The following SNX9 variants were observed in gnomAD, a reference collection of about 807,000 sequenced individuals.
SNX9 encodes sorting nexin 9.
In SNX9, 44 loss-of-function variants were observed where a neutral mutation model predicts 89.4. That is an observed-to-expected ratio of 0.49 (90% CI 0.39 to 0.63). The LOEUF is 0.63. SNX9 is among the 30% of genes least tolerant of loss of function. The pLI is 0.00. For synonymous variants in SNX9, 236 were observed against 247.8 expected (o/e 0.95, Z 0.45); for missense variants, 578 against 736.1 (o/e 0.79, Z 2.49).
intron 1 of SNX9, among the ~76,000 whole-genome samples, chr6:157,833,850 C>T (rs948225129): frequency 1.3e-5 from 2 of 152,136 alleles, no homozygotes; most frequent in Middle Eastern, 6.3e-3. Flanking sequence ...CCAGTATTGC[C>T]GAACTGAACT....
rs192325922 is a variant in SNX9, at chr6:157,859,760, G to A, written c.13-7787G>A. On this transcript the variant is annotated intron_variant, in intron 1 of 17. Transcript: ENST00000392185. ...TCTTTAATGAACTGTTTGTTCCTCT[G>A]CCCATTTTTGTATTAGGTTGCTGGT... Among the ~76,000 whole-genome samples, 3 of 152,174 alleles carry A rather than the reference G, an allele frequency of 2.0e-5. No individual in the cohort carries two copies. The East Asian group carries it at 5.8e-4, about 29-fold the overall frequency.
At chr6:157,936,082 A>T (rs1431945852) in intron 14 of SNX9, 42 bp downstream of exon 14, 1 of 1,482,136 alleles carries the variant, frequency 6.7e-7, no homozygotes, top group Admixed American at 1.8e-5. Context: ...ATTTGTTGCT[A>T]TCTAGTCCAC....
intron 6 of SNX9, among the ~76,000 whole-genome samples, chr6:157,904,642 G>A (rs1324206705): frequency 6.6e-6 from 1 of 152,034 alleles, no homozygotes. Flanking sequence ...ACCAGGAGGT[G>A]GAGGTTACAG....
chr6:157,915,640 AAT>A lies in SNX9; in HGVS notation c.949+5631_949+5632del, dbSNP rs1411739606. ...ATCTCTACTAAAAAAAAAAAAAAAA[AAT>A]ATATATATATATATACACACACACA... On this transcript the variant is annotated intron_variant, in intron 9 of 17. Coordinates refer to ENST00000392185, the MANE Select transcript of SNX9 (RefSeq NM_016224.5). 1.8e-3 allele frequency among the ~76,000 whole-genome samples: 168 copies of A among 95,098 alleles called. 7 individuals carry two copies. The highest frequency in any genetic ancestry group is 4.8e-3 in the Middle Eastern group (1 of 210). 62.4% of individuals were successfully genotyped at this position (95,098 alleles called of 152,430 possible).
intron 4 of SNX9, among the ~76,000 whole-genome samples, chr6:157,888,467 G>T (rs1463693430): frequency 6.6e-6 from 1 of 152,210 alleles, no homozygotes; most frequent in African/African-American, 2.4e-5. Context: ...TGGCATGCTA[G>T]AGTTTTCTGG....
At position 157,875,186 on chromosome 6, in the gene SNX9, A is replaced by G; in HGVS notation, c.300+10A>G. The G allele has an allele frequency of 6.2e-7, 1 of 1,603,090 alleles. No individual in the cohort carries two copies. The highest frequency in any genetic ancestry group is 8.5e-7 in the Non-Finnish European group (1 of 1,173,824). ...CAGCAACAATCACCAGGTACGTCTC[A>G]CTTCCTCCTTCTGGATGTGGCTGGC... On this transcript the variant is annotated intron_variant, in intron 4 of 17. Transcript: ENST00000392185.
At chr6:157,869,030 A>G (rs1221326181) in intron 2 of SNX9, among the ~76,000 whole-genome samples, 1 of 152,232 alleles carries the variant, frequency 6.6e-6, no homozygotes, top group Non-Finnish European at 1.5e-5. Flanking sequence ...AAGACAGGAA[A>G]CCTGGCCCTT....
chr6:157,865,445 G>C (rs901059181), intron 1 of SNX9, among the ~76,000 whole-genome samples: 1 of 147,508 alleles, frequency 6.8e-6, no homozygotes, highest in South Asian at 2.1e-4. Flanking sequence ...TGTTCTTCAT[G>C]ACGCCCTGAG....
chr6:157,885,172 G>C lies in SNX9; in HGVS notation c.300+9996G>C, dbSNP rs201264101. The C allele has an allele frequency of 7.9e-5, 12 of 152,162 alleles. No individual in the cohort carries two copies. The East Asian group carries it at 1.5e-3, about 20-fold the overall frequency. 9.4% of individuals were successfully genotyped at this position (152,162 alleles called of 1,614,324 possible). A position where few individuals can be genotyped will look rare whatever the true frequency, so the allele number is the denominator to read the frequency against. ...TAAACACCTGAAATTGACATCTGTAGGTTCAGAATATGACTTAACAAAGGA... is the reference window on the plus strand; with the variant it reads ...TAAACACCTGAAATTGACATCTGTACGTTCAGAATATGACTTAACAAAGGA... On this transcript the variant is annotated intron_variant, in intron 4 of 17. Coordinates refer to ENST00000392185, the MANE Select transcript of SNX9 (RefSeq NM_016224.5).
chr6:157,933,606 A>C (rs1318666705), intron 13 of SNX9, among the ~76,000 whole-genome samples: 59 of 152,278 alleles, frequency 3.9e-4, no homozygotes, highest in Non-Finnish European at 4.4e-5. Context: ...CAGAACAGAG[A>C]AGCATCTTGG....
At chr6:157,936,936 C>T (rs149397928) in intron 14 of SNX9, among the ~76,000 whole-genome samples, 19 of 152,264 alleles carry the variant, frequency 1.2e-4, no homozygotes, top group Middle Eastern at 3.4e-3. Context: ...CACATGTGTA[C>T]ACACACTAAT....
At chr6:157,844,188 A>C (rs898196444) in intron 1 of SNX9, among the ~76,000 whole-genome samples, 3 of 152,144 alleles carry the variant, frequency 2.0e-5, no homozygotes, top group African/African-American at 7.2e-5. Flanking sequence ...CCAATTTCTT[A>C]GAGCCGATTT....
chr6:157,940,785 G>A lies in SNX9; in HGVS notation c.1649-98G>A, dbSNP rs988857561. The stretch of plus-strand genomic sequence containing the variant: ...CTGACAACAGCAGCCAACCAGATTA[G>A]GTCAGGTTGATGATTAATTGTAACT... On this transcript the variant is annotated intron_variant, in intron 16 of 17. Transcript: ENST00000392185. 4 of 1,046,476 alleles carry A rather than the reference G, an allele frequency of 3.8e-6. No homozygotes were observed. In the African/African-American group the frequency reaches 4.7e-5, roughly 12 times the overall value. 64.8% of individuals were successfully genotyped at this position (1,046,476 alleles called of 1,614,324 possible).
chr6:157,863,035 T>G (rs1237979775), intron 1 of SNX9, among the ~76,000 whole-genome samples: 1 of 152,224 alleles, frequency 6.6e-6, no homozygotes, highest in Non-Finnish European at 1.5e-5. Flanking sequence ...CTGTGCTACA[T>G]TGACTTCGTT....
chr6:157,884,705 T>C (rs4352704), intron 4 of SNX9, among the ~76,000 whole-genome samples: 17,686 of 152,194 alleles, frequency 0.12, 1,562 homozygotes, highest in African/African-American at 0.25. Context: ...CATGAGGCTG[T>C]CATTACTAAC....
At chr6:157,880,653 A>C (rs1018137060) in intron 4 of SNX9, among the ~76,000 whole-genome samples, 1 of 152,200 alleles carries the variant, frequency 6.6e-6, no homozygotes, top group African/African-American at 2.4e-5. Flanking sequence ...ATCGTGAGCC[A>C]CAGTTATTGA....
At chr6:157,931,198 G>A (rs1353651752) in intron 12 of SNX9, among the ~76,000 whole-genome samples, 1 of 152,214 alleles carries the variant, frequency 6.6e-6, no homozygotes, top group Admixed American at 6.5e-5. Context: ...TCTGCATGGT[G>A]AACCACATGC....
At chr6:157,859,645 C>T (rs984338101) in intron 1 of SNX9, among the ~76,000 whole-genome samples, 25 of 152,032 alleles carry the variant, frequency 1.6e-4, no homozygotes, top group African/African-American at 4.8e-4. Context: ...AAATTGTGGC[C>T]GTGGGGATCT....
intron 4 of SNX9, among the ~76,000 whole-genome samples, chr6:157,882,000 A>G (rs754995706): frequency 2.0e-5 from 3 of 152,344 alleles, no homozygotes; most frequent in East Asian, 1.9e-4. Context: ...ACAGCCTTCT[A>G]TTATTGGAAG....
Sources: allele counts gnomAD v4.1 joint callset (sites outside exome capture counted in the v4.1 genomes callset), GRCh38; gene constraint gnomAD v4.1.1; transcripts MANE v1.5; gene names NCBI Gene and HGNC (gene_info 2026-07-23, HGNC 2026-07-21).